Variants in WWOX observed in about 807,000 individuals in gnomAD.
WWOX encodes WW domain containing oxidoreductase, also known as WW domain-containing oxidoreductase.
Under a neutral mutation model 46.2 loss-of-function variants are expected in WWOX, and 69 were observed. The observed-to-expected ratio is 1.49, with a 90% CI of 1.23 to 1.82. WWOX has a LOEUF of 1.82. Ranked by LOEUF, WWOX falls within the 40% of genes most tolerant of loss-of-function variation. The pLI is 0.00. For synonymous variants in WWOX, 359 were observed against 202.6 expected, an observed-to-expected ratio of 1.77 and a Z score of -6.56; for missense variants, 919 against 542.6, an observed-to-expected ratio of 1.69 and a Z score of -6.89.
chr16:78,167,418 T>C (rs2035009308), intron 5 of WWOX: 1 of 152,244 alleles, frequency 6.6e-6, no homozygotes, highest in South Asian at 2.1e-4. Context: ...TGCTGTTTTA[T>C]AGTTTTACTC....
chr16:78,637,675 G>A (rs1475360479), intron 8 of WWOX, among the ~76,000 whole-genome samples: 1 of 152,216 alleles, frequency 6.6e-6, no homozygotes, highest in Non-Finnish European at 1.5e-5. Flanking sequence ...GCTCCTTGAT[G>A]AAGGGCTCAG....
chr16:78,554,324 G>A (rs1403202567), intron 8 of WWOX, among the ~76,000 whole-genome samples: 1 of 152,144 alleles, frequency 6.6e-6, no homozygotes, highest in African/African-American at 2.4e-5. Flanking sequence ...GGAACACTAA[G>A]TATGTGGGAA....
At chr16:78,633,400 C>T (rs1158017035) in intron 8 of WWOX, among the ~76,000 whole-genome samples, 1 of 152,284 alleles carries the variant, frequency 6.6e-6, no homozygotes, top group Middle Eastern at 3.4e-3. Flanking sequence ...ATTCACCCCT[C>T]CCTCTCCACC....
chr16:78,997,686 C>T (rs1255444268), intron 8 of WWOX, among the ~76,000 whole-genome samples: 1 of 152,086 alleles, frequency 6.6e-6, no homozygotes, highest in East Asian at 1.9e-4. Flanking sequence ...CCCCTCCCTT[C>T]CTTTCCCTCC....
At chr16:78,534,299 C>T (rs937051763) in intron 8 of WWOX, 2 of 152,160 alleles carry the variant, frequency 1.3e-5, no homozygotes, top group Admixed American at 1.3e-4. Context: ...TCAGCTTGCC[C>T]AGTGCTTGGC....
chr16:78,180,318 C>A (rs2035487475), intron 5 of WWOX, among the ~76,000 whole-genome samples: 2 of 152,122 alleles, frequency 1.3e-5, no homozygotes, highest in South Asian at 4.1e-4. Flanking sequence ...GTAGAATGAA[C>A]AGCTTAAAAG....
chr16:78,870,658 G>T (rs563898800), intron 8 of WWOX, among the ~76,000 whole-genome samples: 15 of 152,218 alleles, frequency 9.9e-5, no homozygotes, highest in South Asian at 2.1e-4. Context: ...CTGGAGTGCG[G>T]TGGTGCGATC....
At chr16:78,460,206 C>T (rs1211366423) in intron 8 of WWOX, among the ~76,000 whole-genome samples, 1 of 152,022 alleles carries the variant, frequency 6.6e-6, no homozygotes, top group African/African-American at 2.4e-5. Context: ...GGGCTCACTG[C>T]AACCTGTGCC....
intron 8 of WWOX, among the ~76,000 whole-genome samples, chr16:79,135,648 G>A (rs572161895): frequency 6.6e-6 from 1 of 152,154 alleles, no homozygotes; most frequent in African/African-American, 2.4e-5. Flanking sequence ...AGATATTTCA[G>A]TATTGACCTC....
chr16:78,785,474 A>G (rs371465735), intron 8 of WWOX, among the ~76,000 whole-genome samples: 7 of 152,176 alleles, frequency 4.6e-5, no homozygotes, highest in South Asian at 2.1e-4. Context: ...AAAACAAACA[A>G]ACACATTGTG....
chr16:78,594,429 G>C (rs1259185697), intron 8 of WWOX, among the ~76,000 whole-genome samples: 11 of 32,374 alleles, frequency 3.4e-4, no homozygotes, highest in Admixed American at 1.2e-3. Flanking sequence ...CTGAGGAAAG[G>C]CCCCCCCCCC....
At chr16:78,882,541 A>T (rs1382191692) in intron 8 of WWOX, among the ~76,000 whole-genome samples, 1 of 148,824 alleles carries the variant, frequency 6.7e-6, no homozygotes, top group Non-Finnish European at 1.5e-5. Flanking sequence ...CATTGGTGGG[A>T]TCTCAGCTCA....
At chr16:79,147,880 G>A (rs528994817) in intron 8 of WWOX, among the ~76,000 whole-genome samples, 13 of 151,936 alleles carry the variant, frequency 8.6e-5, no homozygotes, top group African/African-American at 2.7e-4. Context: ...TATCCTCTTC[G>A]GTGAAATGTC....
intron 8 of WWOX, among the ~76,000 whole-genome samples, chr16:78,444,463 T>C (rs1484878004): frequency 6.6e-6 from 1 of 152,016 alleles, no homozygotes; most frequent in Non-Finnish European, 1.5e-5. Flanking sequence ...TACCATCATT[T>C]ATTAAGAGAA....
At chr16:78,403,912 A>G (rs1252443816) in intron 6 of WWOX, among the ~76,000 whole-genome samples, 1 of 152,192 alleles carries the variant, frequency 6.6e-6, no homozygotes, top group African/African-American at 2.4e-5. Context: ...GCCTAATTGC[A>G]TGAGCTCTGT....
chr16:78,574,999 T>TTATATATATATATATATATAAATA (rs2044814581), intron 8 of WWOX, among the ~76,000 whole-genome samples: 2 of 37,036 alleles, frequency 5.4e-5, no homozygotes, highest in Admixed American at 4.6e-4. Flanking sequence ...TATTTTTCAA[T>TTATATATATATATATATATAAATA]TATATATATA....
intron 8 of WWOX, among the ~76,000 whole-genome samples, chr16:78,522,704 G>C (rs1284212823): frequency 6.6e-6 from 1 of 152,212 alleles, no homozygotes; most frequent in East Asian, 1.9e-4. Context: ...AAAAAGTCGG[G>C]GCAAGGTTAC....
intron 8 of WWOX, among the ~76,000 whole-genome samples, chr16:78,491,621 C>G (rs1237461401): frequency 6.6e-6 from 1 of 152,126 alleles, no homozygotes; most frequent in African/African-American, 2.4e-5. Flanking sequence ...CGCTACCACA[C>G]CTGGCTACCG....
intron 8 of WWOX, among the ~76,000 whole-genome samples, chr16:78,609,886 G>T (rs1039316217): frequency 2.0e-4 from 31 of 152,200 alleles, no homozygotes; most frequent in Non-Finnish European, 4.1e-4. Context: ...TTGCTTTAGT[G>T]ATTAATTACC....
Sources: allele counts gnomAD v4.1 joint callset (sites outside exome capture counted in the v4.1 genomes callset), GRCh38; gene constraint gnomAD v4.1.1; transcripts MANE v1.5; gene names NCBI Gene and HGNC (gene_info 2026-07-23, HGNC 2026-07-21).